MYL5: variants seen among roughly 807,000 people sequenced by gnomAD.
MYL5 encodes myosin light chain 5, also known as myosin regulatory light chain 5.
A neutral mutation model predicts 20.8 loss-of-function variants in MYL5; 28 were observed. The observed-to-expected ratio is 1.35, with a 90% CI of 1.00 to 1.84. The LOEUF is 1.84. Among genes scored for constraint, MYL5 ranks in the 40% most tolerant of loss-of-function variants. MYL5 has a pLI of 0.00. For synonymous variants in MYL5, 118 were observed against 87.4 expected, an observed-to-expected ratio of 1.35 and a Z score of -1.95; for missense variants, 274 against 227.3, an observed-to-expected ratio of 1.21 and a Z score of -1.32.
upstream of MYL5, chr4:674,633 T>A: frequency 3.4e-6 from 1 of 292,446 alleles, no homozygotes; most frequent in Non-Finnish European, 6.5e-6. Context: ...CACCCCAGAC[T>A]GCGGGCCGGG....
At chr4:677,844 G>A, upstream of MYL5, 1 of 969,330 alleles carries the variant, frequency 1.0e-6, no homozygotes, top group Non-Finnish European at 1.6e-6. Context: ...GGGCAAGGGT[G>A]TGAGTCACTG....
At chr4:680,461 C>T (rs780739290) in intron 4 of MYL5, 48 bp from the exon 7 acceptor site, 19 of 1,592,744 alleles carry the variant, frequency 1.2e-5, no homozygotes, top group Admixed American at 8.4e-5. Context: ...TTGGCAGCCA[C>T]GGGACTGCCA....
chr4:678,993 C>T, exon 3 of MYL5: 2 of 1,613,828 alleles, frequency 1.2e-6, no homozygotes, highest in Non-Finnish European at 1.7e-6. Flanking sequence ...GAGATGGCTT[C>T]ATTGACAAGG....
chr4:680,377 G>C (rs1399796125), intron 4 of MYL5, 132 bp from the exon 7 acceptor site: 2 of 970,734 alleles, frequency 2.1e-6, no homozygotes, highest in Non-Finnish European at 3.2e-6. Context: ...CCTTCAGGCA[G>C]AGGCCACCTT....
intron 5 of MYL5, 120 bp from the exon 8 acceptor site, chr4:680,972 C>A: frequency 8.8e-7 from 1 of 1,140,876 alleles, no homozygotes; most frequent in South Asian, 1.3e-5. Context: ...CACACTCCAG[C>A]GGGAAGGGCG....
chr4:678,011 G>A (rs1260982756), exon 1 of MYL5: 4 of 1,612,508 alleles, frequency 2.5e-6, no homozygotes, highest in Non-Finnish European at 3.4e-6. Flanking sequence ...ACGCATCAAA[G>A]CAGGCAGAAG....
In MYL5 at chr4:681,084, G is replaced by A. The variant is rs772487913; in HGVS notation, c.372-8G>A. 4 of 1,597,722 alleles carry A rather than the reference G, an allele frequency of 2.5e-6. No homozygotes were observed. The highest frequency in any genetic ancestry group is 3.4e-6 in the Non-Finnish European group (4 of 1,172,852). Reference sequence around the variant, plus strand: ...TCAGCCCGCGCTGACCCCTTTCCTCGTCCTCAGCATCAAGCGTCTGCTGAT... The same window carrying A: ...TCAGCCCGCGCTGACCCCTTTCCTCATCCTCAGCATCAAGCGTCTGCTGAT... On this transcript the variant is annotated splice_polypyrimidine_tract_variant and splice_region_variant and intron_variant, in intron 5 of 6. Coordinates refer to ENST00000400159, the Ensembl canonical transcript of MYL5.
At chr4:680,837 C>T (rs1054435214) in intron 5 of MYL5, 39 of 632,786 alleles carry the variant, frequency 6.2e-5, no homozygotes, top group Middle Eastern at 8.4e-4. Flanking sequence ...TCTTCAGCTC[C>T]TGCTAGGCGC....
chr4:679,200 C>A (rs760572948), intron 3 of MYL5, 167 bp downstream of exon 5: 121 of 748,992 alleles, frequency 1.6e-4, no homozygotes, highest in Non-Finnish European at 2.8e-5. Flanking sequence ...CCCTTGGTTC[C>A]ATCAGAGCTG....
chr4:675,928 C>G, upstream of MYL5: 1 of 152,384 alleles, frequency 6.6e-6, no homozygotes, highest in East Asian at 1.9e-4. Flanking sequence ...CACGGAAAAA[C>G]TGTCCTCCGT....
intron 4 of MYL5, 65 bp from the exon 7 acceptor site, chr4:680,444 T>G: frequency 6.5e-7 from 1 of 1,529,718 alleles, no homozygotes; most frequent in Non-Finnish European, 9.0e-7. Flanking sequence ...CCTCCTGCCA[T>G]CTGCCCTTGG....
upstream of MYL5, chr4:676,940 G>C: frequency 5.1e-6 from 5 of 985,304 alleles, no homozygotes; most frequent in Non-Finnish European, 6.0e-6. Flanking sequence ...CAGCATCTCA[G>C]GGGACGCCAA....
rs1475722691 is a variant in MYL5, at chr4:677,935, G to A, written c.-92G>A. The A allele has an allele frequency of 4.4e-6, 7 of 1,607,704 alleles. No homozygotes were observed. In the African/African-American group the frequency reaches 9.4e-5, roughly 21 times the overall value. ...CTGTCCTTGTAGGGAGTGGCAGCCG[G>A]AGTCTGAACTGTCCTGGGGGACCAA... On this transcript the variant is annotated 5_prime_UTR_variant, in exon 1 of 7. Transcript: ENST00000400159.
intron 1 of MYL5, chr4:678,314 G>A (rs1037583069): frequency 2.0e-5 from 28 of 1,428,200 alleles, no homozygotes; most frequent in East Asian, 1.3e-4. Context: ...ACAAAATCCC[G>A]GTACCCAGAA....
Position 681,878 on chromosome 4 carries a change from C to A in MYL5, c.421-15C>A, listed in dbSNP as rs759271484. 9 of 1,311,784 alleles carry A rather than the reference C, an allele frequency of 6.9e-6. No individual in the cohort carries two copies. The South Asian group carries it at 1.2e-4, about 17-fold the overall frequency. 81.3% of individuals were successfully genotyped at this position (1,311,784 alleles called of 1,614,324 possible). A position where few individuals can be genotyped will look rare whatever the true frequency, so the allele number is the denominator to read the frequency against. Reference sequence around the variant, plus strand: ...TCCCGGAGCCCGCAAGGAGCCCTTTCGCCCCCGCCCGCAGGTGGACCAGAT... The same window carrying A: ...TCCCGGAGCCCGCAAGGAGCCCTTTAGCCCCCGCCCGCAGGTGGACCAGAT... On this transcript the variant is annotated splice_polypyrimidine_tract_variant and intron_variant, in intron 6 of 6. Transcript: ENST00000400159.
Position 679,183 on chromosome 4 carries a change from C to G in MYL5, c.187+150C>G, listed in dbSNP as rs935399557. 4 of 804,412 alleles carry G rather than the reference C, an allele frequency of 5.0e-6. No individual in the cohort carries two copies. The African/African-American group carries it at 5.1e-5, about 10-fold the overall frequency. 49.8% of individuals were successfully genotyped at this position (804,412 alleles called of 1,614,324 possible). ...GCCCTGAAGCTGCAAGGTGATGGCC[C>G]TGGCCGCCCTTGGTTCCATCAGAGC... On this transcript the variant is annotated intron_variant, in intron 3 of 6. Transcript: ENST00000400159.
intron 6 of MYL5, 177 bp from the exon 9 acceptor site, chr4:681,716 C>T (rs1739657900): frequency 6.5e-6 from 1 of 153,758 alleles, no homozygotes; most frequent in Non-Finnish European, 1.1e-5. Flanking sequence ...CCCCCTCCAG[C>T]GCCGCCCCGC....
chr4:678,050 G>GC (rs1739023843), intron 1 of MYL5, 21 bp downstream of exon 3: 1 of 1,612,958 alleles, frequency 6.2e-7, no homozygotes, highest in Non-Finnish European at 8.5e-7. Flanking sequence ...CGCCGTGCAT[G>GC]CCTGGGGCAG....
chr4:680,657 G>A (rs1374050428), intron 5 of MYL5, 70 bp downstream of exon 7: 3 of 1,517,078 alleles, frequency 2.0e-6, no homozygotes, highest in African/African-American at 1.4e-5. Context: ...GTCCCAAAAG[G>A]GACAGTCAGC....
Sources: gnomAD v4.1 joint callset for allele counts on GRCh38, gnomAD v4.1.1 for gene constraint, MANE v1.5 for transcripts, NCBI Gene and HGNC (gene_info 2026-07-23, HGNC 2026-07-21) for gene names.